Variants in HMCN1 observed in about 807,000 individuals in gnomAD.
HMCN1 encodes the protein hemicentin-1.
Under a neutral mutation model 625.9 loss-of-function variants are expected in HMCN1, and 321 were observed. The ratio of observed to expected loss-of-function variants is 0.51; its 90% CI spans 0.47 to 0.56. The LOEUF (loss-of-function observed/expected upper bound fraction) is 0.56. Among genes scored for constraint, HMCN1 ranks in the 20% least tolerant of loss-of-function variants. The probability of loss-of-function intolerance (pLI) is 0.00; values close to 1 mark genes in which losing one functional copy is unlikely to be tolerated. For missense variants in HMCN1, 6,588 were observed against 6,887.3 expected (o/e 0.96, Z 1.54); for synonymous variants, 2,425 against 2,417.6 (o/e 1.00, Z -0.09).
intron 29 of HMCN1, among the ~76,000 whole-genome samples, chr1:186,005,832 T>C (rs1215655972): frequency 1.3e-5 from 2 of 152,144 alleles, no homozygotes; most frequent in Non-Finnish European, 2.9e-5. Context: ...TTATCAATTA[T>C]TTCTTTAAAA....
chr1:185,874,651 G>A lies in HMCN1; in HGVS notation c.621+8788G>A, dbSNP rs117829629. ...TTGCTGCAGACCCCAGAAGAAAAAT[G>A]TACTTTAAAGTCATATACCACATAA... On this transcript the variant is annotated intron_variant, in intron 4 of 106. Coordinates refer to ENST00000271588, the MANE Select transcript of HMCN1 (RefSeq NM_031935.3). Among the ~76,000 whole-genome samples the A allele has an allele frequency of 5.5e-4, 83 of 151,978 alleles. No homozygotes were observed. The East Asian group carries it at 0.015, about 28-fold the overall frequency.
At chr1:185,792,231 G>A (rs1365957502) in intron 1 of HMCN1, among the ~76,000 whole-genome samples, 1 of 152,150 alleles carries the variant, frequency 6.6e-6, no homozygotes, top group African/African-American at 2.4e-5. Context: ...ATTTGTACTT[G>A]AATGGACCAC....
chr1:185,996,071 AT>A (rs1337675025), intron 24 of HMCN1, among the ~76,000 whole-genome samples: 26 of 152,182 alleles, frequency 1.7e-4, no homozygotes, highest in African/African-American at 6.0e-4. Flanking sequence ...TTTATTACAT[AT>A]TCATGTTTAT....
At chr1:186,189,467 T>A (rs1298972999) in intron 106 of HMCN1, 45 bp from the exon 107 acceptor site, 1 of 1,607,226 alleles carries the variant, frequency 6.2e-7, no homozygotes, top group Non-Finnish European at 8.5e-7. Flanking sequence ...TGCCTCCTCC[T>A]ACTTCCAGAT....
At chr1:186,044,982 C>T (rs910630665) in intron 40 of HMCN1, among the ~76,000 whole-genome samples, 2 of 152,070 alleles carry the variant, frequency 1.3e-5, no homozygotes, top group African/African-American at 4.8e-5. Flanking sequence ...CTTATATAGC[C>T]AGGGAATCCT....
At chr1:185,878,647 A>G (rs1257507942) in intron 4 of HMCN1, among the ~76,000 whole-genome samples, 2 of 152,106 alleles carry the variant, frequency 1.3e-5, no homozygotes, top group African/African-American at 4.8e-5. Flanking sequence ...AATATTTTGT[A>G]GAGGATTTTG....
rs542947079 is a variant in HMCN1, at chr1:185,803,219, A to C, written c.269-42807A>C. On this transcript the variant is annotated intron_variant, in intron 1 of 106. Transcript: ENST00000271588. ...AAAAAAAAAAGCAAAAAAAAAAAAAAAAAACAAAACAAGGAGGAAATTGAC... is the reference window on the plus strand; with the variant it reads ...AAAAAAAAAAGCAAAAAAAAAAAAACAAAACAAAACAAGGAGGAAATTGAC... Among the ~76,000 whole-genome samples, 636 of 146,506 alleles carry C rather than the reference A, an allele frequency of 4.3e-3. 4 individuals carry two copies. Among genetic ancestry groups the C allele is most frequent in the Non-Finnish European group, 6.6e-3 (446 of 67,430 alleles).
chr1:185,993,353 C>G (rs993771611), intron 23 of HMCN1, 44 bp downstream of exon 23: 1 of 1,607,626 alleles, frequency 6.2e-7, no homozygotes, highest in Non-Finnish European at 8.5e-7. Context: ...GTGGACTGGC[C>G]ACACAAAAAC....
At chr1:185,791,459 A>G (rs1184525352) in intron 1 of HMCN1, among the ~76,000 whole-genome samples, 1 of 151,976 alleles carries the variant, frequency 6.6e-6, no homozygotes, top group South Asian at 2.1e-4. Flanking sequence ...GCGGCTGACA[A>G]TTGTAATCCC....
intron 1 of HMCN1, among the ~76,000 whole-genome samples, chr1:185,750,930 A>C (rs958228286): frequency 6.6e-6 from 1 of 151,936 alleles, no homozygotes; most frequent in Non-Finnish European, 1.5e-5. Context: ...CTTGAAATTA[A>C]TCACTGTTTT....
chr1:186,136,420 A>G (rs973970670), intron 86 of HMCN1, among the ~76,000 whole-genome samples: 3 of 152,274 alleles, frequency 2.0e-5, no homozygotes, highest in African/African-American at 7.2e-5. Context: ...TGAATCCAGG[A>G]AACATGACTC....
At position 186,152,970 on chromosome 1, in the gene HMCN1, A is replaced by G. The variant is rs1198481983; in HGVS notation, c.15018+99A>G. 3.5e-6 allele frequency: 5 copies of G among 1,442,498 alleles called. No individual in the cohort carries two copies. In the East Asian group the frequency reaches 9.2e-5, roughly 27 times the overall value. The allele number at this position is 1,442,498 out of a possible 1,614,324, so 89.4% of individuals were successfully genotyped here. A position where few individuals can be genotyped will look rare whatever the true frequency, so the allele number is the denominator to read the frequency against. On this transcript the variant is annotated intron_variant, in intron 96 of 106. Coordinates refer to ENST00000271588, the MANE Select transcript of HMCN1 (RefSeq NM_031935.3). ...AGATAACTTGTTCACTCTGTGGGGG[A>G]AAATGTCCAAACTACCAAGGCTATA...
intron 10 of HMCN1, 145 bp from the exon 11 acceptor site, chr1:185,933,404 C>A: frequency 1.3e-6 from 1 of 760,000 alleles, no homozygotes. Flanking sequence ...GGCTCATAGA[C>A]ATATGCATTA....
intron 11 of HMCN1, 138 bp from the exon 12 acceptor site, chr1:185,962,380 A>C (rs1650086330): frequency 1.4e-6 from 1 of 736,546 alleles, no homozygotes; most frequent in Non-Finnish European, 2.5e-6. Flanking sequence ...CTTTCCTGCC[A>C]TATCTGTGAT....
chr1:185,871,141 A>C (rs1255241571), intron 4 of HMCN1, among the ~76,000 whole-genome samples: 3 of 151,768 alleles, frequency 2.0e-5, no homozygotes, highest in African/African-American at 7.3e-5. Flanking sequence ...AGGCAAGAGA[A>C]TCGCTTGAGG....
At chr1:186,006,415 G>T (rs1653637782) in intron 29 of HMCN1, among the ~76,000 whole-genome samples, 1 of 151,928 alleles carries the variant, frequency 6.6e-6, no homozygotes, top group African/African-American at 2.4e-5. Context: ...TGAGTCTTAG[G>T]ATATCATAGA....
chr1:186,031,366 T>C lies in HMCN1; in HGVS notation c.5750-6568T>C, dbSNP rs551874999. On this transcript the variant is annotated intron_variant, in intron 36 of 106. Transcript: ENST00000271588. ...ACTACCTTCTGGCCTTTGTCTTTTT[T>C]GATAAGAAATTGGCTGTTGTTTGTA... Among the ~76,000 whole-genome samples the C allele has an allele frequency of 5.9e-5, 9 of 152,186 alleles. No homozygotes were observed. In the South Asian group the frequency reaches 1.7e-3, roughly 28 times the overall value.
rs138656628 is a variant in HMCN1 at position 186,085,031 on chromosome 1, G to A, written c.8885-1215G>A. Among the ~76,000 whole-genome samples the A allele has an allele frequency of 1.9e-3, 282 of 152,134 alleles. 1 individual carries two copies. The highest frequency in any genetic ancestry group is 5.8e-3 in the Admixed American group (88 of 15,266). ...CTCTCACTAAATTCCACATCTGTACGCTACCTGCACTTAGGTAGCTCACCA... is the reference window on the plus strand; with the variant it reads ...CTCTCACTAAATTCCACATCTGTACACTACCTGCACTTAGGTAGCTCACCA... On this transcript the variant is annotated intron_variant, in intron 57 of 106. Coordinates refer to ENST00000271588, the MANE Select transcript of HMCN1 (RefSeq NM_031935.3).
chr1:186,179,967 C>T (rs1571473204), intron 104 of HMCN1, among the ~76,000 whole-genome samples: 1 of 152,154 alleles, frequency 6.6e-6, no homozygotes, highest in South Asian at 2.1e-4. Context: ...GTCTTTTTTA[C>T]CCTGATGTAT....
Sources: gnomAD v4.1 joint callset for allele counts (sites outside exome capture counted in the v4.1 genomes callset) on GRCh38, gnomAD v4.1.1 for gene constraint, MANE v1.5 for transcripts, NCBI Gene and HGNC (gene_info 2026-07-23, HGNC 2026-07-21) for gene names.